PXK: variants seen among roughly 807,000 people sequenced by gnomAD.
PXK encodes the protein PX domain containing serine/threonine kinase like.
In PXK, 35 loss-of-function variants were observed where a neutral mutation model predicts 84.7. That is an observed-to-expected ratio of 0.41 (90% CI 0.32 to 0.55). PXK has a LOEUF of 0.55. PXK is among the 20% of genes least tolerant of loss of function. The pLI is 0.21. For missense variants in PXK, 634 were observed against 699.7 expected, an observed-to-expected ratio of 0.91 and a Z score of 1.06; for synonymous variants, 253 against 260.8, an observed-to-expected ratio of 0.97 and a Z score of 0.29.
At position 58,382,562 on chromosome 3, in the gene PXK, A is replaced by G. The variant is rs1312902658; in HGVS notation, c.250A>G (p.Met84Val). Reference protein sequence around the residue: ...PLPPKKLIGNMDREFIAERQK... With the variant: ...PLPPKKLIGNVDREFIAERQK... ...TCCTCCCAAAAAATTGATTGGTAAC[A>G]TGGATCGTGAATTCATAGCTGAAAG... Residue 84 changes from methionine to valine, a missense_variant, in exon 4 of 18, where the codon ATG becomes GTG. Met to Val is a conservative substitution (Grantham distance 21, BLOSUM62 1). Around this residue, in one of 3 missense-constraint regions of PXK, gnomAD observed 353 missense variants for 385.2 expected, o/e 0.92. Transcript: ENST00000356151. The G allele has an allele frequency of 6.2e-7, 1 of 1,602,744 alleles. No individual in the cohort carries two copies. Among genetic ancestry groups the G allele is most frequent in the Non-Finnish European group, 8.5e-7 (1 of 1,176,342 alleles).
chr3:58,347,193 G>A (rs1378380297), intron 1 of PXK, among the ~76,000 whole-genome samples: 2 of 152,018 alleles, frequency 1.3e-5, no homozygotes, highest in African/African-American at 2.4e-5. Flanking sequence ...GGCTGGTCTC[G>A]AATTCCTGGG....
intron 17 of PXK, among the ~76,000 whole-genome samples, chr3:58,417,193 C>T (rs1303115703): frequency 2.6e-5 from 4 of 152,228 alleles, no homozygotes; most frequent in Non-Finnish European, 5.9e-5. Context: ...ATGGGAGCCA[C>T]AGCACCTGGC....
rs2059549934 is a variant in PXK at position 58,407,349 on chromosome 3, TTTTC to T, written c.1231-1571_1231-1568del. Among the ~76,000 whole-genome samples the T allele has an allele frequency of 6.6e-6, 1 of 152,248 alleles. No individual in the cohort carries two copies. The highest frequency in any genetic ancestry group is 2.4e-5 in the African/African-American group (1 of 41,464). On this transcript the variant is annotated intron_variant, in intron 13 of 17. Coordinates refer to ENST00000356151, the MANE Select transcript of PXK (RefSeq NM_017771.5). The surrounding 1 kb of genome is among the most constrained non-coding windows in gnomAD (Gnocchi z 4.3). ...CATATGTTTTTTGGCCATTTGTATA[TTTTC>T]TTTAGAGAAATGTCTATGTCTTTTG...
chr3:58,361,666 T>C (rs2098190079), intron 1 of PXK, among the ~76,000 whole-genome samples: 1 of 152,232 alleles, frequency 6.6e-6, no homozygotes, highest in Non-Finnish European at 1.5e-5. Flanking sequence ...ATCCAAGTTA[T>C]TGTGTATATT....
intron 12 of PXK, among the ~76,000 whole-genome samples, chr3:58,402,755 CTT>C (rs34514925): frequency 0.38 from 49,116 of 130,146 alleles, 9,233 homozygotes; most frequent in Middle Eastern, 0.51. Context: ...TAATAATATA[CTT>C]TTTTTTTTTT....
In PXK at chr3:58,409,348, G is replaced by A. The variant is rs1253877004; in HGVS notation, c.1309-184G>A. On this transcript the variant is annotated intron_variant, in intron 14 of 17. Coordinates refer to ENST00000356151, the MANE Select transcript of PXK (RefSeq NM_017771.5). The surrounding 1 kb of genome is among the most constrained non-coding windows in gnomAD (Gnocchi z 4.2). ...GGAAGGCATTAGGGGCATGAGAAAG[G>A]ACCTCTTCCTTTGGCATACTCCTCT... Among the ~76,000 whole-genome samples, 1 of 152,166 alleles carries A rather than the reference G, an allele frequency of 6.6e-6. No homozygotes were observed. The highest frequency in any genetic ancestry group is 2.4e-5 in the African/African-American group (1 of 41,438).
chr3:58,387,788 T>C (rs1321401286), intron 4 of PXK, among the ~76,000 whole-genome samples: 1 of 151,780 alleles, frequency 6.6e-6, no homozygotes, highest in African/African-American at 2.4e-5. Flanking sequence ...ACTGGGAGTG[T>C]ACAGAGGAGA....
chr3:58,362,367 T>TTAAATTCAC (rs1302725118), intron 1 of PXK, among the ~76,000 whole-genome samples: 1 of 152,218 alleles, frequency 6.6e-6, no homozygotes, highest in Non-Finnish European at 1.5e-5. Flanking sequence ...ATTTTGGTAG[T>TTAAATTCAC]ACAATGTGTG....
intron 2 of PXK, among the ~76,000 whole-genome samples, chr3:58,366,456 C>T (rs1363697171): frequency 6.6e-6 from 1 of 152,064 alleles, no homozygotes; most frequent in Non-Finnish European, 1.5e-5. Context: ...CTGGACAGAT[C>T]GAGAGGTCCT....
chr3:58,359,926 T>C (rs1459023303), intron 1 of PXK, among the ~76,000 whole-genome samples: 1 of 152,178 alleles, frequency 6.6e-6, no homozygotes, highest in East Asian at 1.9e-4. Context: ...GACAGAAGAA[T>C]TGCTGGAGGC....
chr3:58,348,331 CA>C (rs1361036335), intron 1 of PXK, among the ~76,000 whole-genome samples: 1 of 152,190 alleles, frequency 6.6e-6, no homozygotes, highest in African/African-American at 2.4e-5. Flanking sequence ...TGAAAGAGGA[CA>C]AGCTAGTGGT....
At chr3:58,356,903 T>A (rs1349328375) in intron 1 of PXK, among the ~76,000 whole-genome samples, 3 of 4,440 alleles carry the variant, frequency 6.8e-4, no homozygotes, top group African/African-American at 8.1e-4. Context: ...GCCCGGCCTC[T>A]TTTTTTTTTT....
At chr3:58,372,890 C>T (rs2098397086) in intron 3 of PXK, among the ~76,000 whole-genome samples, 1 of 152,020 alleles carries the variant, frequency 6.6e-6, no homozygotes, top group South Asian at 2.1e-4. Context: ...GAAGAAAAAT[C>T]ACCATCTTAT....
intron 1 of PXK, among the ~76,000 whole-genome samples, chr3:58,335,066 G>A (rs761653779): frequency 1.7e-4 from 24 of 143,494 alleles, no homozygotes; most frequent in Non-Finnish European, 2.2e-4. Context: ...TGTGGAGACA[G>A]CGTCTCACCA....
intron 17 of PXK, chr3:58,422,601 C>A (rs1415007635): frequency 2.0e-6 from 2 of 985,278 alleles, no homozygotes; most frequent in African/African-American, 1.7e-5. Flanking sequence ...TGTACTGAAC[C>A]CCACCCTCAA....
rs914545831 is a variant in PXK at position 58,398,271 on chromosome 3, C to T, written c.1102+549C>T. Among the ~76,000 whole-genome samples the T allele has an allele frequency of 7.2e-5, 11 of 152,314 alleles. No homozygotes were observed. Among genetic ancestry groups the T allele is most frequent in the African/African-American group, 2.6e-4 (11 of 41,562 alleles). On this transcript the variant is annotated intron_variant, in intron 11 of 17. Transcript: ENST00000356151. The surrounding 1 kb of genome is among the most constrained non-coding windows in gnomAD (Gnocchi z 4.5). Reference sequence around the variant, plus strand: ...CAAAAATTAGCTGGGCGTGGAGGTGCATGCCTGTAATCCCAGCTTTTTGGG... The same window carrying T: ...CAAAAATTAGCTGGGCGTGGAGGTGTATGCCTGTAATCCCAGCTTTTTGGG...
chr3:58,422,750 C>T (rs1029074784), intron 17 of PXK: 12 of 985,252 alleles, frequency 1.2e-5, no homozygotes, highest in Non-Finnish European at 1.4e-5. Flanking sequence ...CTCAGCCCAG[C>T]CCTGAGGCCC....
chr3:58,409,496 A>G lies in PXK; in HGVS notation c.1309-36A>G, dbSNP rs780537211. On this transcript the variant is annotated intron_variant, in intron 14 of 17. Transcript: ENST00000356151. This position sits in a 1 kb window ranked among gnomAD's most constrained non-coding sequence, Gnocchi z 4.2. ...AAGATTTTCATTAGGAAGCTGCCTT[A>G]TGTGGGATATGCTTACATCTTATGG... The G allele has an allele frequency of 2.6e-6, 4 of 1,564,472 alleles. No individual in the cohort carries two copies. The African/African-American group carries it at 5.5e-5, about 21-fold the overall frequency.
At position 58,397,316 on chromosome 3, in the gene PXK, T is replaced by A; in HGVS notation, c.984+116T>A. ...TGAAAGGTATAGTTGGGACAGGCCT[T>A]GCCCGTCAGCCCTTGCAGCGTTGCT... On this transcript the variant is annotated intron_variant, in intron 10 of 17. Coordinates refer to ENST00000356151, the MANE Select transcript of PXK (RefSeq NM_017771.5). This position sits in a 1 kb window ranked among gnomAD's most constrained non-coding sequence, Gnocchi z 4.7. 7.9e-7 allele frequency: 1 copy of A among 1,264,776 alleles called. No homozygotes were observed. The allele number at this position is 1,264,776 out of a possible 1,614,324, so 78.3% of individuals were successfully genotyped here. A position where few individuals can be genotyped will look rare whatever the true frequency, so the allele number is the denominator to read the frequency against.
Sources: gnomAD v4.1 joint callset for allele counts (sites outside exome capture counted in the v4.1 genomes callset) on GRCh38, gnomAD v4.1.1 for gene constraint, gnomAD v4.1.1 regional missense constraint, Gnocchi (gnomAD v3.1) non-coding constraint, MANE v1.5 for transcripts, NCBI Gene and HGNC (gene_info 2026-07-23, HGNC 2026-07-21) for gene names.